GPC6: variants seen among roughly 807,000 people sequenced by gnomAD.
The protein encoded by GPC6 is glypican 6.
GPC6 carries 14 observed loss-of-function variants against 55.2 expected under a neutral mutation model. The ratio of observed to expected loss-of-function variants is 0.25; its 90% CI spans 0.17 to 0.40. The LOEUF (loss-of-function observed/expected upper bound fraction) is 0.40, where lower values mean the gene tolerates loss of function less well. GPC6 is among the 10% of genes least tolerant of loss of function. GPC6 has a pLI of 1.00. For synonymous variants in GPC6, 278 were observed against 259.6 expected (o/e 1.07, Z -0.68); for missense variants, 641 against 708.5 (o/e 0.90, Z 1.08).
intron 1 of GPC6, among the ~76,000 whole-genome samples, chr13:93,515,424 A>G (rs1215731353): frequency 6.6e-6 from 1 of 152,196 alleles, no homozygotes; most frequent in South Asian, 2.1e-4. Context: ...ATAATCAAAT[A>G]TGTTTTTATA....
chr13:93,235,502 G>A (rs1422505951), intron 1 of GPC6, among the ~76,000 whole-genome samples: 2 of 152,050 alleles, frequency 1.3e-5, no homozygotes, highest in Non-Finnish European at 2.9e-5. Context: ...AAAGGCCCCT[G>A]GGGAGGGAAG....
chr13:93,918,815 C>T (rs1283183970), intron 3 of GPC6, among the ~76,000 whole-genome samples: 2 of 152,154 alleles, frequency 1.3e-5, no homozygotes, highest in Non-Finnish European at 2.9e-5. Context: ...GGGAGAGGTA[C>T]CATCTTTCAA....
intron 5 of GPC6, among the ~76,000 whole-genome samples, chr13:94,296,234 C>G (rs1001498439): frequency 2.0e-5 from 3 of 152,112 alleles, no homozygotes; most frequent in African/African-American, 7.2e-5. Context: ...AAAGTGTTCT[C>G]CTTTTGATGA....
intron 4 of GPC6, among the ~76,000 whole-genome samples, chr13:94,186,126 C>A (rs1042850863): frequency 6.8e-6 from 1 of 147,164 alleles, no homozygotes; most frequent in Admixed American, 6.8e-5. Flanking sequence ...TTCACATAGA[C>A]CTTTCCAGAA....
At chr13:93,261,925 T>TACAC (rs34841808) in intron 1 of GPC6, among the ~76,000 whole-genome samples, 1,633 of 144,582 alleles carry the variant, frequency 0.011, 19 homozygotes, top group East Asian at 0.045. Context: ...TCTCTCCCTC[T>TACAC]ACACACACAC....
rs117564063 is a variant in GPC6, at chr13:94,087,164, T to C, written c.877+59270T>C. 6.4e-3 allele frequency among the ~76,000 whole-genome samples: 972 copies of C among 152,378 alleles called. 7 individuals carry two copies. The highest frequency in any genetic ancestry group is 0.012 in the Non-Finnish European group (783 of 68,036). On this transcript the variant is annotated intron_variant, in intron 4 of 8. Coordinates refer to ENST00000377047, the MANE Select transcript of GPC6 (RefSeq NM_005708.5). ...TAAATGGGATATTTGATGGTGTTCA[T>C]ACATGCTCCCTGTTGGGGAAAGCCG...
intron 1 of GPC6, among the ~76,000 whole-genome samples, chr13:93,297,041 CCT>C (rs2139088518): frequency 6.6e-6 from 1 of 152,192 alleles, no homozygotes; most frequent in Admixed American, 6.5e-5. Context: ...ACAGTGAGCC[CCT>C]GTCCTTCAGC....
chr13:93,391,932 C>T (rs913816378), intron 1 of GPC6, among the ~76,000 whole-genome samples: 1 of 152,230 alleles, frequency 6.6e-6, no homozygotes, highest in South Asian at 2.1e-4. Context: ...AGTTTCTCAG[C>T]TGCTGAGCTG....
At chr13:94,266,420 G>A (rs1428361218) in intron 4 of GPC6, among the ~76,000 whole-genome samples, 2 of 152,096 alleles carry the variant, frequency 1.3e-5, no homozygotes, top group Admixed American at 6.5e-5. Flanking sequence ...CGCCCGCCTT[G>A]GCCTCCCAAA....
chr13:93,531,948 A>G (rs969386213), intron 1 of GPC6, among the ~76,000 whole-genome samples: 10 of 152,164 alleles, frequency 6.6e-5, no homozygotes, highest in African/African-American at 2.2e-4. Context: ...CTGCTTTGCA[A>G]TGATATGATG....
intron 3 of GPC6, among the ~76,000 whole-genome samples, chr13:94,005,201 G>A (rs989249933): frequency 5.3e-5 from 8 of 152,172 alleles, no homozygotes; most frequent in South Asian, 2.1e-4. Flanking sequence ...ACATGAAATT[G>A]AATTTTATTA....
intron 1 of GPC6, among the ~76,000 whole-genome samples, chr13:93,277,719 T>A (rs1877805357): frequency 2.6e-5 from 4 of 152,210 alleles, no homozygotes; most frequent in Non-Finnish European, 5.9e-5. Context: ...CAACTAGACA[T>A]AACTTTATTG....
At chr13:93,628,565 A>T (rs912329702) in intron 2 of GPC6, among the ~76,000 whole-genome samples, 3 of 152,150 alleles carry the variant, frequency 2.0e-5, no homozygotes, top group Non-Finnish European at 2.9e-5. Flanking sequence ...TGGGTTGTAC[A>T]ATTGGGACCA....
intron 6 of GPC6, among the ~76,000 whole-genome samples, chr13:94,364,091 CA>C (rs1402525578): frequency 3.3e-5 from 5 of 152,174 alleles, no homozygotes; most frequent in South Asian, 2.1e-4. Context: ...TTGTGGCTTA[CA>C]TGATGTTTCT....
At chr13:94,016,512 A>C (rs1482737173) in intron 3 of GPC6, among the ~76,000 whole-genome samples, 1 of 152,168 alleles carries the variant, frequency 6.6e-6, no homozygotes, top group Non-Finnish European at 1.5e-5. Flanking sequence ...TTTGTAGTGC[A>C]TTTGAAGTCA....
At chr13:94,119,420 A>G (rs1293566354) in intron 4 of GPC6, among the ~76,000 whole-genome samples, 1 of 151,448 alleles carries the variant, frequency 6.6e-6, no homozygotes, top group African/African-American at 2.4e-5. Context: ...TGACAAGGTG[A>G]CCTTTGAGCA....
intron 4 of GPC6, among the ~76,000 whole-genome samples, chr13:94,082,811 A>C (rs562649773): frequency 1.3e-5 from 2 of 152,198 alleles, no homozygotes; most frequent in African/African-American, 4.8e-5. Flanking sequence ...GCAACGTTTC[A>C]TCTGTAGACC....
chr13:93,687,282 A>G (rs12873509), intron 2 of GPC6, among the ~76,000 whole-genome samples: 3,218 of 152,184 alleles, frequency 0.021, 57 homozygotes, highest in Non-Finnish European at 0.029. Context: ...CCTTTATCCT[A>G]TATTCTTCAT....
intron 1 of GPC6, among the ~76,000 whole-genome samples, chr13:93,534,076 G>A (rs1211054436): frequency 6.6e-6 from 1 of 152,096 alleles, no homozygotes; most frequent in African/African-American, 2.4e-5. Flanking sequence ...AACAGCAGTA[G>A]TATTCTGAAG....
Sources: gnomAD v4.1 joint callset for allele counts (sites outside exome capture counted in the v4.1 genomes callset) on GRCh38, gnomAD v4.1.1 for gene constraint, MANE v1.5 for transcripts, NCBI Gene and HGNC (gene_info 2026-07-23, HGNC 2026-07-21) for gene names.